MKS1: variants seen among roughly 807,000 people sequenced by gnomAD.
MKS1 encodes tectonic-like complex member MKS1.
Under a neutral mutation model 83.7 loss-of-function variants are expected in MKS1, and 70 were observed. The observed-to-expected ratio is 0.84, with a 90% confidence interval of 0.69 to 1.02. MKS1 has a LOEUF of 1.02. MKS1 is among the 50% of genes least tolerant of loss of function. The pLI, the probability that MKS1 is intolerant of heterozygous loss-of-function variation, is 0.00. For synonymous variants in MKS1, 251 were observed against 273.4 expected (o/e 0.92, Z 0.81); for missense variants, 681 against 726.9 (o/e 0.94, Z 0.73).
chr17:58,206,999 A>G, intron 15 of MKS1, 86 bp downstream of exon 15: 1 of 1,568,134 alleles, frequency 6.4e-7, no homozygotes, highest in South Asian at 1.1e-5. Flanking sequence ...ATGCACAACT[A>G]AGGGGTCTTG....
At chr17:58,207,553 G>A in intron 14 of MKS1, 2 of 539,004 alleles carry the variant, frequency 3.7e-6, no homozygotes, top group East Asian at 3.3e-5. Context: ...ATGGCACAAT[G>A]CCTGGCACAC....
chr17:58,211,111 C>T (rs1199772336), intron 9 of MKS1, 89 bp from the exon 10 acceptor site: 2 of 1,366,116 alleles, frequency 1.5e-6, no homozygotes, highest in Non-Finnish European at 2.1e-6. Flanking sequence ...TGCAGACGAC[C>T]TGCCACTAGG....
At chr17:58,206,405 T>C (rs1283079984) in intron 16 of MKS1, 25 bp from the exon 17 acceptor site, 8 of 1,613,876 alleles carry the variant, frequency 5.0e-6, no homozygotes, top group Middle Eastern at 1.6e-4. Context: ...GCCACATGGT[T>C]ACGGCTGTCT....
Position 58,206,500 on chromosome 17 carries a change from AGT to A in MKS1, c.1453_1454del (p.Thr485CysfsTer105). ...GCAGACAGTGCAAGCGGAAGGTGAC[AGT>A]GCCTGTGGTCTCTGTGCGGAGTCCA... ...RFGLRTETTG[T>X]VTFRLHCLQQ... On this transcript the variant is annotated frameshift_variant, in exon 16 of 18. Transcript: ENST00000393119. LOFTEE classifies it high-confidence loss of function. The A allele has an allele frequency of 6.2e-7, 1 of 1,614,090 alleles. No individual in the cohort carries two copies. The highest frequency in any genetic ancestry group is 8.5e-7 in the Non-Finnish European group (1 of 1,180,026).
chr17:58,212,402 G>A lies in MKS1; in HGVS notation c.891C>T (p.Ser297=). The stretch of plus-strand genomic sequence containing the variant: ...CCATCTCAAAGTCGGTGCCTACGAG[G>A]CTGCTGAGATACTCCTTGTGCCGGC... The part of the protein sequence containing the change: ...LYGRHKEYLS[S]LVGTDFEMTV... Residue 297 remains serine, a synonymous_variant, in exon 9 of 18, where the codon AGC becomes AGT. Transcript: ENST00000393119. 6.2e-7 allele frequency: 1 copy of A among 1,614,214 alleles called. No homozygotes were observed. Among genetic ancestry groups the A allele is most frequent in the African/African-American group, 1.3e-5 (1 of 75,060 alleles).
intron 9 of MKS1, among the ~76,000 whole-genome samples, chr17:58,211,849 C>T (rs948403985): frequency 3.3e-5 from 5 of 151,050 alleles, no homozygotes; most frequent in Admixed American, 2.0e-4. Context: ...TATAGTCATG[C>T]GCCACCGCAT....
rs11548967 is a variant in MKS1 at position 58,206,088 on chromosome 17, C to A, written c.1671G>T (p.Leu557=). ...CCAGGGCTGCTGTGAGCTAGGAGAC[C>A]AGGGTTCCAGAGGGGCTCACTAGGT... ...PQDLVSPSGT[L]VS Residue 557 remains leucine, a synonymous_variant, in exon 18 of 18, where the codon CTG becomes CTT. Coordinates refer to ENST00000393119, the MANE Select transcript of MKS1 (RefSeq NM_017777.4). 3 of 1,611,308 alleles carry A rather than the reference C, an allele frequency of 1.9e-6. No individual in the cohort carries two copies. In the Admixed American group the frequency reaches 5.0e-5, roughly 27 times the overall value.
intron 6 of MKS1, among the ~76,000 whole-genome samples, 164 bp downstream of exon 6, chr17:58,214,095 G>A (rs1223519334): frequency 6.6e-6 from 1 of 152,184 alleles, no homozygotes. Flanking sequence ...AGAAGAAGAT[G>A]AGGATCTGAG....
At chr17:58,213,932 C>G (rs922494836) in intron 6 of MKS1, 63 bp from the exon 7 acceptor site, 2 of 1,346,168 alleles carry the variant, frequency 1.5e-6, no homozygotes, top group African/African-American at 2.9e-5. Context: ...AGAAGAGATA[C>G]TGAGCCCACT....
chr17:58,206,607 T>C (rs202239112), intron 15 of MKS1, 60 bp from the exon 16 acceptor site: 9 of 1,490,130 alleles, frequency 6.0e-6, no homozygotes, highest in Non-Finnish European at 7.4e-6. Flanking sequence ...CCCCGCACCA[T>C]GCTGGCCTCA....
intron 15 of MKS1, chr17:58,206,844 T>A (rs1968542616): frequency 4.7e-6 from 3 of 641,302 alleles, no homozygotes; most frequent in Non-Finnish European, 8.0e-6. Flanking sequence ...GAGCCAGTTA[T>A]TCTGATGGGA....
At chr17:58,215,680 A>G (rs1361959102) in intron 4 of MKS1, 6 of 246,878 alleles carry the variant, frequency 2.4e-5, no homozygotes, top group South Asian at 2.3e-4. Context: ...TTCCATAGCT[A>G]TACTGAATTC....
In MKS1 at chr17:58,205,699, G is replaced by C. The variant is rs1472961869; in HGVS notation, c.*380C>G. The C allele has an allele frequency of 7.6e-7, 1 of 1,323,224 alleles. No homozygotes were observed. Among genetic ancestry groups the C allele is most frequent in the Non-Finnish European group, 1.0e-6 (1 of 1,002,010 alleles). 82.0% of individuals were successfully genotyped at this position (1,323,224 alleles called of 1,614,324 possible). On this transcript the variant is annotated 3_prime_UTR_variant, in exon 18 of 18. Transcript: ENST00000393119. The stretch of plus-strand genomic sequence containing the variant: ...CCTTCCTTCTTTGGTCTTGGAAGAT[G>C]AAAGGCTCCATTTTTAAAGGGTGGA...
intron 2 of MKS1, among the ~76,000 whole-genome samples, chr17:58,217,278 G>A (rs1053616315): frequency 1.3e-5 from 2 of 152,190 alleles, no homozygotes; most frequent in African/African-American, 2.4e-5. Context: ...CGTGGGCCAC[G>A]GCGCTCAGCC....
At chr17:58,206,203 C>T (rs1423275415) in intron 17 of MKS1, 33 bp from the exon 18 acceptor site, 1 of 1,614,030 alleles carries the variant, frequency 6.2e-7, no homozygotes. Flanking sequence ...ATTTGGCTGC[C>T]ATATGGTATT....
rs2143744776 is a variant in MKS1, at chr17:58,207,211, G to A, written c.1281C>T (p.His427=). Reference sequence around the variant, plus strand: ...GTCTCCACGTGGAGACTGTCAGGGTGTGTGAGCCTGCGCAAGGGAAGAGAA... The same window carrying A: ...GTCTCCACGTGGAGACTGTCAGGGTATGTGAGCCTGCGCAAGGGAAGAGAA... ...AVVLPATPGS[H]TLTVSTWRPV... The change falls in exon 15 of 18, where the codon CAC becomes CAT. Residue 427 remains histidine, a synonymous_variant. Transcript: ENST00000393119. 1 of 1,614,114 alleles carries A rather than the reference G, an allele frequency of 6.2e-7. No individual in the cohort carries two copies. Among genetic ancestry groups the A allele is most frequent in the South Asian group, 1.1e-5 (1 of 91,080 alleles).
chr17:58,207,601 G>A (rs1478429199), intron 14 of MKS1: 21 of 551,548 alleles, frequency 3.8e-5, no homozygotes, highest in Non-Finnish European at 6.2e-5. Context: ...ACTGAATGCT[G>A]ATTCATTCAA....
At chr17:58,206,992 C>T (rs1968551307) in intron 15 of MKS1, 93 bp downstream of exon 15, 1 of 1,562,164 alleles carries the variant, frequency 6.4e-7, no homozygotes, top group Non-Finnish European at 8.8e-7. Context: ...TGAAGCAATG[C>T]ACAACTAAGG....
At chr17:58,215,587 A>T (rs1030711179) in intron 4 of MKS1, 1 of 178,984 alleles carries the variant, frequency 5.6e-6, no homozygotes, top group Admixed American at 5.4e-5. Flanking sequence ...GACAGAAGCA[A>T]CTGAAATGCA....
Sources: gnomAD v4.1 joint callset for allele counts (sites outside exome capture counted in the v4.1 genomes callset) on GRCh38, gnomAD v4.1.1 for gene constraint, MANE v1.5 for transcripts, NCBI Gene and HGNC (gene_info 2026-07-23, HGNC 2026-07-21) for gene names.